AGPS: variants seen among roughly 807,000 people sequenced by gnomAD.
AGPS encodes alkylglycerone phosphate synthase.
Under a neutral mutation model 90.7 loss-of-function variants are expected in AGPS, and 26 were observed. The ratio of observed to expected loss-of-function variants is 0.29; its 90% CI spans 0.21 to 0.40. AGPS has a LOEUF of 0.40. AGPS is among the 10% of genes least tolerant of loss of function. The pLI is 1.00. For synonymous variants in AGPS, 294 were observed against 285.3 expected (o/e 1.03, Z -0.31); for missense variants, 540 against 816.1 (o/e 0.66, Z 4.12).
chr2:177,402,975 C>T (rs956872393), intron 1 of AGPS, among the ~76,000 whole-genome samples: 7 of 152,002 alleles, frequency 4.6e-5, no homozygotes, highest in African/African-American at 1.4e-4. Flanking sequence ...GAGAGTCACT[C>T]GAACCTGGGA....
At chr2:177,398,702 G>A (rs987800490) in intron 1 of AGPS, among the ~76,000 whole-genome samples, 2 of 152,102 alleles carry the variant, frequency 1.3e-5, no homozygotes, top group Non-Finnish European at 2.9e-5. Flanking sequence ...AGTTTATGTT[G>A]TACTTAATAA....
rs192349010 is a variant in AGPS at position 177,454,240 on chromosome 2, G to C, written c.871-7653G>C. Among the ~76,000 whole-genome samples the C allele has an allele frequency of 3.0e-3, 455 of 151,910 alleles. 4 individuals carry two copies. The highest frequency in any genetic ancestry group is 0.01 in the African/African-American group (430 of 41,492). On this transcript the variant is annotated intron_variant, in intron 8 of 19. Coordinates refer to ENST00000264167, the MANE Select transcript of AGPS (RefSeq NM_003659.4). ...TTATTAGGCTCTTTGAAGTTCCACA[G>C]CGCACTGCTACTCTTCTCATTTTTT...
chr2:177,505,429 T>A, intron 14 of AGPS, 77 bp from the exon 15 acceptor site: 3 of 1,276,950 alleles, frequency 2.3e-6, no homozygotes, highest in Non-Finnish European at 3.4e-6. Context: ...ACTTATTCTC[T>A]TGACAGCTTT....
Position 177,461,879 on chromosome 2 carries a change from T to A in AGPS, c.871-14T>A, listed in dbSNP as rs1178738412. ...ACCATTTTCACTGTAAAATGTTAAA[T>A]TTTTGTTTTTCAGCTTAAAGAAAGT... On this transcript the variant is annotated splice_polypyrimidine_tract_variant and intron_variant, in intron 8 of 19. Coordinates refer to ENST00000264167, the MANE Select transcript of AGPS (RefSeq NM_003659.4). The A allele has an allele frequency of 1.9e-6, 3 of 1,606,334 alleles. No individual in the cohort carries two copies. In the African/African-American group the frequency reaches 4.0e-5, roughly 22 times the overall value.
chr2:177,417,472 T>C (rs1317869524), intron 1 of AGPS, among the ~76,000 whole-genome samples: 1 of 152,224 alleles, frequency 6.6e-6, no homozygotes, highest in Non-Finnish European at 1.5e-5. Context: ...ATACTCAATC[T>C]ATAGTAACAT....
chr2:177,410,501 G>A (rs1263828568), intron 1 of AGPS, among the ~76,000 whole-genome samples: 1 of 152,020 alleles, frequency 6.6e-6, no homozygotes. Context: ...AGTGTATAAT[G>A]GCCCCTCCTT....
At chr2:177,393,124 G>A in intron 1 of AGPS, 75 bp downstream of exon 1, 7 of 1,549,870 alleles carry the variant, frequency 4.5e-6, no homozygotes, top group Non-Finnish European at 6.1e-6. Context: ...GCACAGGCGA[G>A]GTGGGAAGGG....
At chr2:177,518,361 G>A (rs538130146) in intron 17 of AGPS, among the ~76,000 whole-genome samples, 4 of 152,138 alleles carry the variant, frequency 2.6e-5, no homozygotes, top group Admixed American at 1.3e-4. Context: ...GCTTGAACCC[G>A]GGAGATGGAG....
intron 11 of AGPS, among the ~76,000 whole-genome samples, chr2:177,491,762 C>T (rs1373324915): frequency 8.3e-4 from 5 of 6,030 alleles, no homozygotes; most frequent in Admixed American, 1.9e-3. Flanking sequence ...ACTTTCCTTC[C>T]CCCCCCCCCC....
intron 14 of AGPS, among the ~76,000 whole-genome samples, chr2:177,501,313 C>T (rs1046472080): frequency 1.3e-5 from 2 of 152,114 alleles, no homozygotes; most frequent in Admixed American, 1.3e-4. Flanking sequence ...TTTTTAGGAT[C>T]TATCTTTATA....
chr2:177,408,029 A>G (rs895920134), intron 1 of AGPS, among the ~76,000 whole-genome samples: 4 of 151,988 alleles, frequency 2.6e-5, no homozygotes, highest in Non-Finnish European at 4.4e-5. Flanking sequence ...TGGTTCTCCC[A>G]CCTCAGTCTC....
At chr2:177,393,974 C>G (rs1477373893) in intron 1 of AGPS, among the ~76,000 whole-genome samples, 2 of 152,086 alleles carry the variant, frequency 1.3e-5, no homozygotes, top group Non-Finnish European at 2.9e-5. Context: ...TTTGTTTCTT[C>G]CCAAGCTATG....
At chr2:177,505,311 AT>A (rs746516110) in intron 14 of AGPS, among the ~76,000 whole-genome samples, 194 bp from the exon 15 acceptor site, 8 of 151,998 alleles carry the variant, frequency 5.3e-5, no homozygotes, top group South Asian at 2.1e-4. Flanking sequence ...TTTTGAGAAT[AT>A]GGGTAGAAGT....
rs199863700 is a variant in AGPS, at chr2:177,494,405, TAAATC to T, written c.1285+1209_1285+1213del. Among the ~76,000 whole-genome samples the T allele has an allele frequency of 2.5e-4, 38 of 152,334 alleles. No individual in the cohort carries two copies. In the East Asian group the frequency reaches 6.2e-3, roughly 25 times the overall value. On this transcript the variant is annotated intron_variant, in intron 12 of 19. Transcript: ENST00000264167. ...TATGTTCTATAAGTAATGAAATACT[TAAATC>T]AAGTGAAAAACCACTTGTGTGTTTT... is the stretch of plus-strand genomic sequence containing the variant.
Position 177,471,742 on chromosome 2 carries a change from C to G in AGPS, c.1105+3218C>G, listed in dbSNP as rs747889249. Among the ~76,000 whole-genome samples, 88 of 152,196 alleles carry G rather than the reference C, an allele frequency of 5.8e-4. No homozygotes were observed. The Middle Eastern group carries it at 0.01, about 18-fold the overall frequency. ...TCAGGAAAGGCACATTTATATATCC[C>G]CAGAGTTCTGGAATGTTCCAAACTG... On this transcript the variant is annotated intron_variant, in intron 10 of 19. Transcript: ENST00000264167.
At chr2:177,467,339 A>G (rs1687484123) in intron 9 of AGPS, among the ~76,000 whole-genome samples, 1 of 152,200 alleles carries the variant, frequency 6.6e-6, no homozygotes, top group South Asian at 2.1e-4. Flanking sequence ...ACTCCCTCTT[A>G]ATGAACATTT....
At chr2:177,537,226 A>T (rs2079192008) in intron 19 of AGPS, among the ~76,000 whole-genome samples, 1 of 152,182 alleles carries the variant, frequency 6.6e-6, no homozygotes, top group Non-Finnish European at 1.5e-5. Flanking sequence ...CAGATTAAGT[A>T]CATATTCTTT....
At chr2:177,460,706 G>A (rs986493281) in intron 8 of AGPS, among the ~76,000 whole-genome samples, 6 of 152,026 alleles carry the variant, frequency 3.9e-5, no homozygotes, top group Non-Finnish European at 7.4e-5. Flanking sequence ...ATGGAGTTAG[G>A]GAAGAAATAT....
At chr2:177,443,936 T>C (rs1559048674) in intron 7 of AGPS, among the ~76,000 whole-genome samples, 1 of 152,206 alleles carries the variant, frequency 6.6e-6, no homozygotes, top group Admixed American at 6.5e-5. Flanking sequence ...GAACTCTTGG[T>C]AGCTACAAGG....
Sources: allele counts gnomAD v4.1 joint callset (sites outside exome capture counted in the v4.1 genomes callset), GRCh38; gene constraint gnomAD v4.1.1; transcripts MANE v1.5; gene names NCBI Gene and HGNC (gene_info 2026-07-23, HGNC 2026-07-21).